Variants in DLG1 observed in about 807,000 individuals in gnomAD.
DLG1 encodes the protein discs large MAGUK scaffold protein 1.
DLG1 carries 42 observed loss-of-function variants against 123.4 expected under a neutral mutation model. The ratio of observed to expected loss-of-function variants is 0.34; its 90% CI spans 0.27 to 0.44. DLG1 has a LOEUF of 0.44. Ranked by LOEUF, DLG1 falls within the 20% of genes least tolerant of loss-of-function variation. The pLI, the probability that DLG1 is intolerant of heterozygous loss-of-function variation, is 1.00. For synonymous variants in DLG1, 317 were observed against 356.2 expected (o/e 0.89, Z 1.24); for missense variants, 942 against 1,082.6 (o/e 0.87, Z 1.82).
intron 3 of DLG1, among the ~76,000 whole-genome samples, chr3:197,287,627 GA>G (rs1338393388): frequency 1.3e-5 from 2 of 151,902 alleles, no homozygotes. Flanking sequence ...TAAGAAAAAG[GA>G]AAAAGGAGGA....
chr3:197,296,990 A>G, intron 2 of DLG1, 196 bp downstream of exon 2: 1 of 644,298 alleles, frequency 1.6e-6, no homozygotes, highest in Non-Finnish European at 2.7e-6. Context: ...TCACTAGAGA[A>G]ATGTTAAGAA....
intron 19 of DLG1, 73 bp from the exon 20 acceptor site, chr3:197,066,827 CAT>C (rs1303161787): frequency 7.0e-6 from 7 of 994,838 alleles, no homozygotes; most frequent in Non-Finnish European, 1.1e-5. Context: ...TCATAAACAA[CAT>C]ATACATTACT....
At chr3:197,195,951 A>G (rs1423354044) in intron 4 of DLG1, among the ~76,000 whole-genome samples, 1 of 152,098 alleles carries the variant, frequency 6.6e-6, no homozygotes, top group African/African-American at 2.4e-5. Flanking sequence ...GAAAAAAAAA[A>G]TACAGCATCA....
intron 5 of DLG1, among the ~76,000 whole-genome samples, chr3:197,164,781 G>A (rs1370844162): frequency 6.6e-6 from 1 of 151,590 alleles, no homozygotes; most frequent in Non-Finnish European, 1.5e-5. Flanking sequence ...GATTAGCTAG[G>A]TGCGGTGGTG....
chr3:197,090,925 A>G lies in DLG1; in HGVS notation c.1648T>C (p.Ser550Pro), dbSNP rs974765385. 1.2e-5 allele frequency: 20 copies of G among 1,602,152 alleles called. No individual in the cohort carries two copies. The highest frequency in any genetic ancestry group is 1.7e-5 in the Non-Finnish European group (20 of 1,171,822). ...SGSLRTSQKR[S>P]LYVRALFDYD... ...AAAAAAATTTACCTGACATAGAGGGATCGCTTCTGGCTAGTTCGAAGAGAA... is the reference window on the plus strand; with the variant it reads ...AAAAAAATTTACCTGACATAGAGGGGTCGCTTCTGGCTAGTTCGAAGAGAA... The change falls in exon 15 of 25, where the codon TCC becomes CCC. Residue 550 changes from serine to proline, a missense_variant. By Grantham distance (74) the Ser-to-Pro change is moderately conservative (BLOSUM62 -1). Transcript: ENST00000667157.
intron 4 of DLG1, among the ~76,000 whole-genome samples, chr3:197,198,654 A>G (rs1222545769): frequency 6.6e-6 from 1 of 152,188 alleles, no homozygotes; most frequent in Non-Finnish European, 1.5e-5. Flanking sequence ...ATATACAAAC[A>G]GCCAATAAGC....
intron 5 of DLG1, among the ~76,000 whole-genome samples, chr3:197,173,905 A>G (rs947548688): frequency 3.9e-5 from 6 of 152,158 alleles, no homozygotes; most frequent in African/African-American, 1.4e-4. Context: ...GTAGTTCAAG[A>G]CCAGCCTGGC....
chr3:197,298,881 C>A (rs1263233496), upstream of DLG1: 1 of 310,990 alleles, frequency 3.2e-6, no homozygotes, highest in Admixed American at 5.0e-5. Flanking sequence ...GATTTTTAAG[C>A]CTAACTGATT....
chr3:197,262,610 G>A (rs557432699), intron 4 of DLG1, among the ~76,000 whole-genome samples: 3 of 152,290 alleles, frequency 2.0e-5, no homozygotes, highest in Non-Finnish European at 4.4e-5. Flanking sequence ...TTGTGGGGCT[G>A]AGCCCCCAAC....
At chr3:197,276,599 C>T (rs999428328) in intron 4 of DLG1, among the ~76,000 whole-genome samples, 10 of 152,088 alleles carry the variant, frequency 6.6e-5, no homozygotes, top group Admixed American at 2.6e-4. Context: ...CTATTGAACA[C>T]GGGCCTTTTT....
At chr3:197,213,692 G>T (rs1026370784) in intron 4 of DLG1, among the ~76,000 whole-genome samples, 2 of 152,136 alleles carry the variant, frequency 1.3e-5, no homozygotes, top group African/African-American at 4.8e-5. Context: ...TCTCTATGAA[G>T]AAAACTTCAA....
chr3:197,048,123 C>T (rs138446069), intron 24 of DLG1, among the ~76,000 whole-genome samples: 142 of 152,210 alleles, frequency 9.3e-4, no homozygotes, highest in African/African-American at 3.2e-3. Context: ...ATACAGATGG[C>T]CAGCAGGTAT....
intron 4 of DLG1, chr3:197,225,799 C>G (rs1195218954): frequency 6.6e-6 from 1 of 152,612 alleles, no homozygotes; most frequent in Non-Finnish European, 1.5e-5. Context: ...CATTTCTTTG[C>G]TGAAATACTA....
rs34807556 is a variant in DLG1, at chr3:197,290,897, TAAA to T, written c.151+5446_151+5448del. Reference sequence around the variant, plus strand: ...AGAGCAAGACCCTGTCTCCAAATAGTAAAAAAAAAAAAAAAAAAAAAAAAGTCA... The same window carrying T: ...AGAGCAAGACCCTGTCTCCAAATAGTAAAAAAAAAAAAAAAAAAAAAGTCA... On this transcript the variant is annotated intron_variant, in intron 3 of 24. Coordinates refer to ENST00000667157, the MANE Select transcript of DLG1 (RefSeq NM_001366207.1). Among the ~76,000 whole-genome samples, 782 of 87,968 alleles carry T rather than the reference TAAA, an allele frequency of 8.9e-3. 6 individuals are homozygous for T. The highest frequency in any genetic ancestry group is 9.9e-3 in the Non-Finnish European group (474 of 47,890). The allele number at this position is 87,968 out of a possible 152,430, so 57.7% of individuals were successfully genotyped here.
intron 4 of DLG1, among the ~76,000 whole-genome samples, chr3:197,273,433 T>A (rs1288749027): frequency 6.6e-6 from 1 of 151,912 alleles, no homozygotes; most frequent in South Asian, 2.1e-4. Context: ...AGATGGGGTT[T>A]CACCATGTTG....
In DLG1 at chr3:197,188,208, G is replaced by C. The variant is rs73086560; in HGVS notation, c.483+6217C>G. ...ACATAAACCTTCCTGCATTTCTACA[G>C]TTTCTTGTGATTGTCACCCTTCCAC... On this transcript the variant is annotated intron_variant, in intron 5 of 24. Transcript: ENST00000667157. Among the ~76,000 whole-genome samples, 1,490 of 152,240 alleles carry C rather than the reference G, an allele frequency of 9.8e-3. 23 individuals carry two copies. Among genetic ancestry groups the C allele is most frequent in the African/African-American group, 0.033 (1,386 of 41,540 alleles).
At chr3:197,122,279 T>C (rs1029081239) in intron 11 of DLG1, among the ~76,000 whole-genome samples, 1 of 151,868 alleles carries the variant, frequency 6.6e-6, no homozygotes, top group African/African-American at 2.4e-5. Flanking sequence ...GGATAAAAAC[T>C]CCCCATAAAC....
intron 6 of DLG1, 81 bp from the exon 7 acceptor site, chr3:197,142,849 T>C: frequency 1.9e-6 from 2 of 1,076,368 alleles, no homozygotes; most frequent in Non-Finnish European, 2.8e-6. Flanking sequence ...GTATGATTTA[T>C]TAATGAAAAC....
At chr3:197,142,805 A>T in intron 6 of DLG1, 37 bp from the exon 7 acceptor site, 1 of 1,583,418 alleles carries the variant, frequency 6.3e-7, no homozygotes, top group Non-Finnish European at 8.6e-7. Flanking sequence ...GAAACTTCAG[A>T]GTGTAAAATC....
Sources: gnomAD v4.1 joint callset for allele counts (sites outside exome capture counted in the v4.1 genomes callset) on GRCh38, gnomAD v4.1.1 for gene constraint, MANE v1.5 for transcripts, NCBI Gene and HGNC (gene_info 2026-07-23, HGNC 2026-07-21) for gene names.